The following ZNF215 variants were observed in gnomAD, a reference collection of about 807,000 sequenced individuals.
The protein encoded by ZNF215 is zinc finger protein 215.
ZNF215 carries 24 observed loss-of-function variants against 27.2 expected under a neutral mutation model. That is an observed-to-expected ratio of 0.88 (90% CI 0.64 to 1.24). The LOEUF (loss-of-function observed/expected upper bound fraction) is 1.24. Among genes scored for constraint, ZNF215 ranks in the 50% most tolerant of loss-of-function variants. The pLI, the probability that ZNF215 is intolerant of heterozygous loss-of-function variation, is 0.00. For missense variants in ZNF215, 675 were observed against 605.7 expected (o/e 1.11, Z -1.20); for synonymous variants, 210 against 204.0 (o/e 1.03, Z -0.25).
downstream of ZNF215, among the ~76,000 whole-genome samples, chr11:6,962,315 A>C (rs1202324452): frequency 6.6e-6 from 1 of 151,984 alleles, no homozygotes; most frequent in Non-Finnish European, 1.5e-5. Flanking sequence ...CCTGCCAGGG[A>C]CTCCCATTGG....
intron 5 of ZNF215, among the ~76,000 whole-genome samples, chr11:6,979,971 G>T (rs2133351877): frequency 6.6e-6 from 1 of 152,034 alleles, no homozygotes; most frequent in South Asian, 2.1e-4. Flanking sequence ...CTAGAAAATT[G>T]TCAATTGTTA....
chr11:6,927,191 T>A (rs1382000842), intron 1 of ZNF215, among the ~76,000 whole-genome samples: 2 of 152,162 alleles, frequency 1.3e-5, no homozygotes, highest in Non-Finnish European at 2.9e-5. Flanking sequence ...TTTTAATTAA[T>A]TCATATTGCC....
chr11:6,953,751 C>T (rs148734963), intron 6 of ZNF215, among the ~76,000 whole-genome samples: 2,869 of 152,292 alleles, frequency 0.019, 88 homozygotes, highest in African/African-American at 0.064. Flanking sequence ...AGTCATTCTC[C>T]GTCCGGCTTT....
rs531976492 is a variant in ZNF215, at chr11:6,934,930, T to A, written c.400+2258T>A. On this transcript the variant is annotated intron_variant, in intron 3 of 6. Coordinates refer to ENST00000278319, the MANE Select transcript of ZNF215 (RefSeq NM_013250.4). ...TGAGAAATCTAGCAGAAAAGGCAAATGAGAGGTTGCAGGGTAATACAGAAC... is the reference window on the plus strand; with the variant it reads ...TGAGAAATCTAGCAGAAAAGGCAAAAGAGAGGTTGCAGGGTAATACAGAAC... Among the ~76,000 whole-genome samples, 14 of 152,312 alleles carry A rather than the reference T, an allele frequency of 9.2e-5. No individual in the cohort carries two copies. In the East Asian group the frequency reaches 2.5e-3, roughly 27 times the overall value.
At chr11:6,969,288 T>C (rs1031098688) in intron 5 of ZNF215, among the ~76,000 whole-genome samples, 5 of 152,154 alleles carry the variant, frequency 3.3e-5, no homozygotes, top group African/African-American at 9.7e-5. Context: ...TTTAAGTCCA[T>C]TGCAATTTCT....
Position 6,932,536 on chromosome 11 carries a change from A to G in ZNF215, c.264A>G (p.Ile88Met). 4 of 1,614,236 alleles carry G rather than the reference A, an allele frequency of 2.5e-6. No homozygotes were observed. Among genetic ancestry groups the G allele is most frequent in the African/African-American group, 1.3e-5 (1 of 75,062 alleles). ...RPEIHTKKQI[I>M]ELLVLEQFLA... The stretch of plus-strand genomic sequence containing the variant: ...AGATTCATACAAAGAAGCAGATTAT[A>G]GAACTGTTGGTGCTGGAACAATTCC... Residue 88 changes from isoleucine to methionine, a missense_variant, in exon 3 of 7, where the codon ATA becomes ATG. Coordinates refer to ENST00000278319, the MANE Select transcript of ZNF215 (RefSeq NM_013250.4).
Position 6,932,149 on chromosome 11 carries a change from T to A in ZNF215, c.-124T>A. On this transcript the variant is annotated 5_prime_UTR_variant, in exon 3 of 7. Coordinates refer to ENST00000278319, the MANE Select transcript of ZNF215 (RefSeq NM_013250.4). The stretch of plus-strand genomic sequence containing the variant: ...TCTAAAGTTTCTGGAACTTTCCTCC[T>A]TACCGTGAAATAACTTGGCTTAAAT... 1 of 1,255,994 alleles carries A rather than the reference T, an allele frequency of 8.0e-7. No homozygotes were observed. Among genetic ancestry groups the A allele is most frequent in the Non-Finnish European group, 1.1e-6 (1 of 919,310 alleles). 77.8% of individuals were successfully genotyped at this position (1,255,994 alleles called of 1,614,324 possible).
At position 6,943,403 on chromosome 11, in the gene ZNF215, T is replaced by C. The variant is rs1849697368; in HGVS notation, c.617-143T>C. On this transcript the variant is annotated intron_variant, in intron 5 of 6. Transcript: ENST00000278319. ...GTCCTTTCTGATATTGAGCCAGAGA[T>C]ACACAAGTCTATGGTGCTCTTCTGG... is the stretch of plus-strand genomic sequence containing the variant. 4 of 1,084,866 alleles carry C rather than the reference T, an allele frequency of 3.7e-6. No homozygotes were observed. In the African/African-American group the frequency reaches 4.8e-5, roughly 13 times the overall value. 67.2% of individuals were successfully genotyped at this position (1,084,866 alleles called of 1,614,324 possible).
chr11:6,963,453 A>G (rs1850557949), intron 5 of ZNF215, among the ~76,000 whole-genome samples: 1 of 152,106 alleles, frequency 6.6e-6, no homozygotes, highest in Non-Finnish European at 1.5e-5. Flanking sequence ...TACACTATAT[A>G]TGAACCATCT....
In ZNF215 at chr11:6,957,899, A is replaced by T. The variant is rs1367122459; in HGVS notation, c.*1368A>T. The T allele has an allele frequency of 1.0e-6, 1 of 985,322 alleles. No homozygotes were observed. The highest frequency in any genetic ancestry group is 1.2e-6 in the Non-Finnish European group (1 of 829,940). 61.0% of individuals were successfully genotyped at this position (985,322 alleles called of 1,614,324 possible). A position where few individuals can be genotyped will look rare whatever the true frequency, so the allele number is the denominator to read the frequency against. ...GATCCCATCTGGTTCTTGAGCCAAG[A>T]AGTATGACTTAATCTGCCCCAAAAA... On this transcript the variant is annotated 3_prime_UTR_variant, in exon 7 of 7. Coordinates refer to ENST00000278319, the MANE Select transcript of ZNF215 (RefSeq NM_013250.4).
intron 1 of ZNF215, among the ~76,000 whole-genome samples, chr11:6,927,215 C>T (rs1481098307): frequency 6.6e-6 from 1 of 152,196 alleles, no homozygotes; most frequent in African/African-American, 2.4e-5. Context: ...TTTTCCCAGT[C>T]ATTCCTGGCC....
intron 5 of ZNF215, among the ~76,000 whole-genome samples, chr11:6,973,277 T>G (rs1402927750): frequency 2.0e-5 from 3 of 152,248 alleles, no homozygotes; most frequent in Non-Finnish European, 4.4e-5. Flanking sequence ...GTGCCACATT[T>G]TCTTAATCCA....
chr11:6,980,192 T>C (rs1590087937), intron 5 of ZNF215, among the ~76,000 whole-genome samples: 1 of 152,012 alleles, frequency 6.6e-6, no homozygotes. Flanking sequence ...CTGCAGTCAT[T>C]GGAAGAAATC....
intron 3 of ZNF215, among the ~76,000 whole-genome samples, chr11:6,935,731 T>C (rs556720178): frequency 6.6e-6 from 1 of 152,230 alleles, no homozygotes; most frequent in African/African-American, 2.4e-5. Context: ...TACAGAGCGT[T>C]CTACCCAAAA....
chr11:6,968,544 A>G (rs924500818), intron 5 of ZNF215, among the ~76,000 whole-genome samples: 1 of 147,042 alleles, frequency 6.8e-6, no homozygotes, highest in African/African-American at 2.5e-5. Context: ...TTTTTTGAAC[A>G]GGCACTCTGG....
intron 5 of ZNF215, among the ~76,000 whole-genome samples, chr11:6,964,514 G>C (rs987917859): frequency 1.3e-5 from 2 of 152,016 alleles, no homozygotes; most frequent in African/African-American, 4.8e-5. Flanking sequence ...GAAGACTGTA[G>C]ATTGAATTAC....
At chr11:6,977,316 A>AT (rs1850853603) in intron 5 of ZNF215, among the ~76,000 whole-genome samples, 2 of 152,030 alleles carry the variant, frequency 1.3e-5, no homozygotes, top group Non-Finnish European at 2.9e-5. Context: ...GATGTGAATG[A>AT]TCCCTTTGTC....
chr11:6,929,782 C>T (rs1262978910), intron 2 of ZNF215, among the ~76,000 whole-genome samples: 1 of 151,760 alleles, frequency 6.6e-6, no homozygotes, highest in African/African-American at 2.4e-5. Context: ...TCCCCCTCCC[C>T]CCACCCCACA....
chr11:6,952,389 C>A (rs1268358283), intron 6 of ZNF215, among the ~76,000 whole-genome samples: 1 of 152,056 alleles, frequency 6.6e-6, no homozygotes, highest in African/African-American at 2.4e-5. Flanking sequence ...GTAGGTCACT[C>A]AGGACTTGCT....
Sources: allele counts gnomAD v4.1 joint callset (sites outside exome capture counted in the v4.1 genomes callset), GRCh38; gene constraint gnomAD v4.1.1; transcripts MANE v1.5; gene names NCBI Gene and HGNC (gene_info 2026-07-23, HGNC 2026-07-21).